Variants in PPARGC1A observed in about 807,000 individuals in gnomAD.
The protein encoded by PPARGC1A is PPARG coactivator 1 alpha, also known as peroxisome proliferator-activated receptor gamma coactivator 1-alpha.
In PPARGC1A, 25 loss-of-function variants were observed where a neutral mutation model predicts 88.7. The ratio of observed to expected loss-of-function variants is 0.28; its 90% CI spans 0.21 to 0.39. PPARGC1A has a LOEUF of 0.39. Ranked by LOEUF, PPARGC1A falls within the 10% of genes least tolerant of loss-of-function variation. PPARGC1A has a pLI of 1.00. For synonymous variants in PPARGC1A, 363 were observed against 355.6 expected (o/e 1.02, Z -0.24); for missense variants, 880 against 968.7 (o/e 0.91, Z 1.22).
At chr4:24,104,597 A>G in the PPARGC1A span, among the ~76,000 whole-genome samples, 1 of 152,184 alleles carries the variant, frequency 6.6e-6, no homozygotes, top group African/African-American at 2.4e-5. Flanking sequence ...ACTGTGGGCA[A>G]CACAATTCAG....
the PPARGC1A span, among the ~76,000 whole-genome samples, chr4:24,158,731 G>C: frequency 6.6e-6 from 1 of 152,124 alleles, no homozygotes; most frequent in African/African-American, 2.4e-5. Context: ...TTGATTTTGA[G>C]GGTCATGAAT....
At chr4:24,430,586 T>C in the PPARGC1A span, among the ~76,000 whole-genome samples, 1 of 152,072 alleles carries the variant, frequency 6.6e-6, no homozygotes, top group East Asian at 1.9e-4. Context: ...AATGATCTCA[T>C]GAGCAACAAA....
At chr4:24,215,021 G>GA in the PPARGC1A span, among the ~76,000 whole-genome samples, 2 of 152,028 alleles carry the variant, frequency 1.3e-5, no homozygotes, top group African/African-American at 4.8e-5. Context: ...AGGTCCAGCA[G>GA]AAAAAAAGAA....
the PPARGC1A span, among the ~76,000 whole-genome samples, chr4:24,125,996 C>A: frequency 6.6e-6 from 1 of 152,138 alleles, no homozygotes; most frequent in Admixed American, 6.5e-5. Flanking sequence ...TGAGGTTGCT[C>A]TTTAATCTTC....
At chr4:24,348,834 G>A in the PPARGC1A span, among the ~76,000 whole-genome samples, 2 of 152,050 alleles carry the variant, frequency 1.3e-5, no homozygotes, top group Non-Finnish European at 2.9e-5. Context: ...TCTTGGTTTG[G>A]ATCTATTGCT....
At chr4:24,239,625 CAT>C in the PPARGC1A span, among the ~76,000 whole-genome samples, 1 of 152,138 alleles carries the variant, frequency 6.6e-6, no homozygotes, top group African/African-American at 2.4e-5. Flanking sequence ...AAAATCTACA[CAT>C]GTCAGGGGAA....
chr4:24,213,533 AAG>A, the PPARGC1A span, among the ~76,000 whole-genome samples: 1 of 152,152 alleles, frequency 6.6e-6, no homozygotes, highest in Non-Finnish European at 1.5e-5. Context: ...CCTACTTTGG[AAG>A]GACAACTCCT....
At chr4:23,914,632 G>C in the PPARGC1A span, among the ~76,000 whole-genome samples, 1 of 152,184 alleles carries the variant, frequency 6.6e-6, no homozygotes, top group East Asian at 1.9e-4. Flanking sequence ...AATAACCAAA[G>C]AGAAATATTT....
chr4:23,875,229 T>A (rs1227612413), intron 2 of PPARGC1A, among the ~76,000 whole-genome samples: 1 of 152,208 alleles, frequency 6.6e-6, no homozygotes, highest in African/African-American at 2.4e-5. Flanking sequence ...GTCCAAAATA[T>A]TTGAAATATA....
the PPARGC1A span, among the ~76,000 whole-genome samples, chr4:24,002,097 C>CACACAGAGAGAGAGAG: frequency 1.4e-4 from 18 of 125,382 alleles, no homozygotes; most frequent in African/African-American, 5.9e-4. Context: ...CACACACACA[C>CACACAGAGAGAGAGAG]AGAGAGAGAG....
intron 2 of PPARGC1A, among the ~76,000 whole-genome samples, chr4:23,835,733 A>G (rs1577448406): frequency 6.6e-6 from 1 of 152,334 alleles, no homozygotes; most frequent in Non-Finnish European, 1.5e-5. Flanking sequence ...TTCTTTAATC[A>G]TAGAAAACTG....
chr4:23,947,398 A>ATGT, the PPARGC1A span, among the ~76,000 whole-genome samples: 3 of 17,842 alleles, frequency 1.7e-4, no homozygotes, highest in African/African-American at 6.0e-4. Context: ...TATATATATA[A>ATGT]AAAAAACGGT....
intron 10 of PPARGC1A, among the ~76,000 whole-genome samples, chr4:23,811,072 G>T (rs1720808839): frequency 6.6e-6 from 1 of 152,184 alleles, no homozygotes; most frequent in African/African-American, 2.4e-5. Flanking sequence ...CTTTGAGTCA[G>T]TCTTAGGTAG....
At chr4:23,934,527 A>T in the PPARGC1A span, among the ~76,000 whole-genome samples, 1 of 152,230 alleles carries the variant, frequency 6.6e-6, no homozygotes, top group East Asian at 1.9e-4. Context: ...AACAATTGGG[A>T]TTGTAATCTG....
chr4:23,967,492 T>C, the PPARGC1A span, among the ~76,000 whole-genome samples: 3 of 152,104 alleles, frequency 2.0e-5, no homozygotes, highest in South Asian at 6.2e-4. Flanking sequence ...ATGGGATTAG[T>C]CTGCCGACTC....
chr4:24,376,208 C>T, the PPARGC1A span, among the ~76,000 whole-genome samples: 14 of 152,134 alleles, frequency 9.2e-5, no homozygotes, highest in African/African-American at 2.7e-4. Flanking sequence ...CACACATAAG[C>T]ATATACGGTT....
the PPARGC1A span, among the ~76,000 whole-genome samples, chr4:23,951,335 C>T: frequency 2.6e-5 from 4 of 152,036 alleles, no homozygotes; most frequent in African/African-American, 9.7e-5. Flanking sequence ...AGTGTTTATA[C>T]AGGGAGCTAC....
chr4:24,439,145 G>T, the PPARGC1A span, among the ~76,000 whole-genome samples: 1 of 151,990 alleles, frequency 6.6e-6, no homozygotes, highest in Admixed American at 6.6e-5. Flanking sequence ...CTAGAATATT[G>T]TCCTCCCTGC....
chr4:23,892,761 C>T (rs1421468476), upstream of PPARGC1A, among the ~76,000 whole-genome samples: 1 of 152,074 alleles, frequency 6.6e-6, no homozygotes, highest in African/African-American at 2.4e-5. Context: ...CTATTGAAAC[C>T]TTACTGTGTG....
Sources: allele counts gnomAD v4.1 joint callset (sites outside exome capture counted in the v4.1 genomes callset), GRCh38; gene constraint gnomAD v4.1.1; transcripts MANE v1.5; gene names NCBI Gene and HGNC (gene_info 2026-07-23, HGNC 2026-07-21).